GALNT13: variants seen among roughly 807,000 people sequenced by gnomAD.
GALNT13 encodes the protein UDP-GalNAc:polypeptide N-acetylgalactosaminyltransferase 13.
GALNT13 carries 28 observed loss-of-function variants against 64.2 expected under a neutral mutation model. The ratio of observed to expected loss-of-function variants is 0.44; its 90% CI spans 0.32 to 0.60. The LOEUF (loss-of-function observed/expected upper bound fraction) is 0.60, where lower values mean the gene tolerates loss of function less well. Among genes scored for constraint, GALNT13 ranks in the 20% least tolerant of loss-of-function variants. The pLI, the probability that GALNT13 is intolerant of heterozygous loss-of-function variation, is 0.05. For synonymous variants in GALNT13, 214 were observed against 224.6 expected, an observed-to-expected ratio of 0.95 and a Z score of 0.42; for missense variants, 577 against 669.8, an observed-to-expected ratio of 0.86 and a Z score of 1.53.
intron 1 of GALNT13, among the ~76,000 whole-genome samples, chr2:153,875,735 T>C (rs907721032): frequency 2.0e-5 from 3 of 152,192 alleles, no homozygotes. Flanking sequence ...TGCTTGAGAA[T>C]AAAGTAGGAA....
chr2:153,908,638 T>C (rs1055033592), intron 2 of GALNT13, among the ~76,000 whole-genome samples: 1 of 152,102 alleles, frequency 6.6e-6, no homozygotes, highest in Non-Finnish European at 1.5e-5. Context: ...CACACTCCCA[T>C]TGAATAGGGA....
chr2:154,400,328 A>G (rs952584112), intron 10 of GALNT13, among the ~76,000 whole-genome samples: 22 of 152,178 alleles, frequency 1.4e-4, no homozygotes, highest in African/African-American at 4.8e-4. Context: ...TCTTTGCAGT[A>G]TATTCATTTG....
the GALNT13 span, among the ~76,000 whole-genome samples, chr2:153,291,405 C>T: frequency 6.6e-5 from 10 of 152,106 alleles, no homozygotes; most frequent in African/African-American, 2.4e-4. Context: ...CATGAGTTAT[C>T]CATTGTTTTA....
At chr2:154,012,487 G>C (rs1306800484) in intron 3 of GALNT13, among the ~76,000 whole-genome samples, 1 of 152,080 alleles carries the variant, frequency 6.6e-6, no homozygotes, top group African/African-American at 2.4e-5. Flanking sequence ...CTTCTCTCTA[G>C]CTGCCTTTAT....
chr2:154,110,336 T>TAGAGAGAGAGAGAGAGAG (rs1190684961), intron 3 of GALNT13, among the ~76,000 whole-genome samples: 1 of 9,928 alleles, frequency 1.0e-4, no homozygotes, highest in African/African-American at 3.4e-4. Context: ...TATATATATA[T>TAGAGAGAGAGAGAGAGAG]AGAGAGAGAG....
chr2:153,364,172 T>C, the GALNT13 span, among the ~76,000 whole-genome samples: 1 of 152,154 alleles, frequency 6.6e-6, no homozygotes. Context: ...GAAAAGGCCT[T>C]TGATAAAATT....
chr2:153,760,318 T>C, the GALNT13 span, among the ~76,000 whole-genome samples: 50 of 151,994 alleles, frequency 3.3e-4, no homozygotes, highest in East Asian at 4.4e-3. Flanking sequence ...TCTTCTAACT[T>C]TGGGCTTAAT....
chr2:153,820,158 G>C, the GALNT13 span, among the ~76,000 whole-genome samples: 2 of 152,162 alleles, frequency 1.3e-5, no homozygotes, highest in African/African-American at 2.4e-5. Context: ...GAGTGTGAAG[G>C]CTGGTCTTTT....
At chr2:154,418,633 T>G (rs188084233) in intron 11 of GALNT13, among the ~76,000 whole-genome samples, 1 of 152,088 alleles carries the variant, frequency 6.6e-6, no homozygotes, top group African/African-American at 2.4e-5. Flanking sequence ...GTAAAACTGA[T>G]TTTGGACTTC....
At chr2:153,729,030 C>T in the GALNT13 span, among the ~76,000 whole-genome samples, 128 of 152,166 alleles carry the variant, frequency 8.4e-4, 1 homozygote, top group African/African-American at 2.9e-3. Flanking sequence ...CAGGACCAGA[C>T]AGATTCATAG....
chr2:153,718,063 T>C, the GALNT13 span, among the ~76,000 whole-genome samples: 2 of 152,206 alleles, frequency 1.3e-5, no homozygotes, highest in African/African-American at 2.4e-5. Context: ...ACCTCTTCTT[T>C]TAATTTAACG....
intron 9 of GALNT13, among the ~76,000 whole-genome samples, chr2:154,327,840 T>C (rs1183390867): frequency 6.6e-6 from 1 of 152,128 alleles, no homozygotes; most frequent in East Asian, 1.9e-4. Flanking sequence ...GAGCTGTAAA[T>C]TTGATATTAC....
the GALNT13 span, among the ~76,000 whole-genome samples, chr2:153,283,128 C>T: frequency 6.6e-6 from 1 of 152,296 alleles, no homozygotes; most frequent in Non-Finnish European, 1.5e-5. Context: ...GCTCCATGCT[C>T]AGCCCCAGGG....
the GALNT13 span, among the ~76,000 whole-genome samples, chr2:153,072,621 C>T: frequency 6.6e-6 from 1 of 152,118 alleles, no homozygotes; most frequent in East Asian, 1.9e-4. Flanking sequence ...GCAAGTATAT[C>T]GCTGGAAGGG....
intron 3 of GALNT13, among the ~76,000 whole-genome samples, chr2:153,948,081 T>C (rs1691901209): frequency 1.3e-5 from 2 of 152,130 alleles, no homozygotes; most frequent in South Asian, 2.1e-4. Context: ...TTGGTTACTG[T>C]AGCCCTGTAG....
chr2:154,170,863 G>T (rs1204095914), intron 4 of GALNT13, among the ~76,000 whole-genome samples: 1 of 152,010 alleles, frequency 6.6e-6, no homozygotes, highest in East Asian at 1.9e-4. Context: ...TAAAAAGAAA[G>T]AAATGATTGA....
chr2:154,377,047 G>A (rs1698032023), intron 9 of GALNT13, among the ~76,000 whole-genome samples: 1 of 152,082 alleles, frequency 6.6e-6, no homozygotes, highest in Non-Finnish European at 1.5e-5. Context: ...ACCTAGTTCA[G>A]ATATATCTTT....
chr2:154,313,918 T>A (rs1009905623), intron 9 of GALNT13, among the ~76,000 whole-genome samples: 16 of 152,164 alleles, frequency 1.1e-4, no homozygotes, highest in African/African-American at 3.6e-4. Context: ...AATTTTATAT[T>A]AATAAATTCT....
At chr2:154,292,280 T>C (rs1692689800) in intron 8 of GALNT13, among the ~76,000 whole-genome samples, 1 of 152,140 alleles carries the variant, frequency 6.6e-6, no homozygotes, top group East Asian at 1.9e-4. Flanking sequence ...GTTGCTGACA[T>C]ACCCTCATAT....
Sources: gnomAD v4.1 joint callset for allele counts (sites outside exome capture counted in the v4.1 genomes callset) on GRCh38, gnomAD v4.1.1 for gene constraint, MANE v1.5 for transcripts, NCBI Gene and HGNC (gene_info 2026-07-23, HGNC 2026-07-21) for gene names.